The following TENM3 variants were observed in gnomAD, a reference collection of about 807,000 sequenced individuals.
TENM3 encodes teneurin transmembrane protein 3.
TENM3 carries 63 observed loss-of-function variants against 255.1 expected under a neutral mutation model. That is an observed-to-expected ratio of 0.25 (90% CI 0.20 to 0.30). The LOEUF (loss-of-function observed/expected upper bound fraction) is 0.30. Ranked by LOEUF, TENM3 falls within the 10% of genes least tolerant of loss-of-function variation. The pLI, the probability that TENM3 is intolerant of heterozygous loss-of-function variation, is 1.00. For missense variants in TENM3, 2,929 were observed against 3,461.1 expected (o/e 0.85, Z 3.86); for synonymous variants, 1,306 against 1,322.3 (o/e 0.99, Z 0.27).
At chr4:181,524,183 T>C in the TENM3 span, among the ~76,000 whole-genome samples, 5 of 152,250 alleles carry the variant, frequency 3.3e-5, no homozygotes, top group African/African-American at 1.2e-4. Flanking sequence ...TTGGGGGTGG[T>C]GTAGGAGTAT....
intron 3 of TENM3, among the ~76,000 whole-genome samples, chr4:182,354,110 AAG>A (rs1765367023): frequency 6.6e-6 from 1 of 152,210 alleles, no homozygotes; most frequent in Non-Finnish European, 1.5e-5. Flanking sequence ...TTTCTGTTCT[AAG>A]AGGATTTTCA....
chr4:182,148,648 G>T (rs1213544731), intron 1 of TENM3, among the ~76,000 whole-genome samples: 2 of 151,968 alleles, frequency 1.3e-5, no homozygotes, highest in African/African-American at 2.4e-5. Context: ...GACCTCTTGT[G>T]CATGTGTTAT....
intron 2 of TENM3, among the ~76,000 whole-genome samples, chr4:182,339,851 A>T (rs116222340): frequency 6.6e-6 from 1 of 152,188 alleles, no homozygotes; most frequent in Admixed American, 6.5e-5. Context: ...GGATTGTTCT[A>T]AAGAAGTCAT....
At chr4:182,567,744 ATT>A (rs150439706) in intron 3 of TENM3, among the ~76,000 whole-genome samples, 2 of 140,868 alleles carry the variant, frequency 1.4e-5, no homozygotes, top group Admixed American at 7.4e-5. Flanking sequence ...ACCCTACTCT[ATT>A]TTTTTTTTAT....
intron 3 of TENM3, chr4:182,349,836 A>G (rs574841944): frequency 1.9e-4 from 70 of 375,080 alleles, no homozygotes; most frequent in African/African-American, 1.2e-3. Context: ...TCATTTTTAT[A>G]CTAGCTTGAG....
At chr4:181,756,268 C>T in the TENM3 span, among the ~76,000 whole-genome samples, 4 of 152,064 alleles carry the variant, frequency 2.6e-5, no homozygotes, top group Non-Finnish European at 4.4e-5. Context: ...CCTTCTTGCC[C>T]GGTAGCATAA....
At chr4:181,996,651 C>T in the TENM3 span, among the ~76,000 whole-genome samples, 41 of 151,904 alleles carry the variant, frequency 2.7e-4, no homozygotes, top group African/African-American at 9.0e-4. Flanking sequence ...GCAGGGACAC[C>T]GTTTAGAAGG....
At chr4:182,438,247 A>T (rs1041606176) in intron 3 of TENM3, among the ~76,000 whole-genome samples, 1 of 152,152 alleles carries the variant, frequency 6.6e-6, no homozygotes, top group African/African-American at 2.4e-5. Flanking sequence ...AAACTATTTA[A>T]GCTATTTTGT....
chr4:182,294,101 A>G (rs538301278), intron 1 of TENM3, among the ~76,000 whole-genome samples: 454 of 152,174 alleles, frequency 3.0e-3, no homozygotes, highest in African/African-American at 0.01. Context: ...GATCCCTACC[A>G]TCTGCGTCTC....
rs542212636 is a variant in TENM3, at chr4:182,616,522, TAAAA to T, written c.750-12115_750-12112del. Among the ~76,000 whole-genome samples the T allele has an allele frequency of 3.7e-3, 352 of 94,286 alleles. 1 individual carries two copies. Among genetic ancestry groups the T allele is most frequent in the African/African-American group, 0.014 (340 of 25,016 alleles). 61.9% of individuals were successfully genotyped at this position (94,286 alleles called of 152,430 possible). On this transcript the variant is annotated intron_variant, in intron 4 of 27. Transcript: ENST00000511685. Reference sequence around the variant, plus strand: ...ATGTACCCTAAAACTTAAAGTATAATAAAAAAAAAAAAAAAAAGGTCAGGAGATC... The same window carrying T: ...ATGTACCCTAAAACTTAAAGTATAATAAAAAAAAAAAAAGGTCAGGAGATC...
intron 3 of TENM3, among the ~76,000 whole-genome samples, chr4:182,570,689 CCAGGCGTCATGG>C (rs1392408946): frequency 1.3e-5 from 2 of 152,112 alleles, no homozygotes; most frequent in African/African-American, 4.8e-5. Context: ...AAAAAATTAG[CCAGGCGTCATGG>C]CAGGCGCCTG....
At chr4:182,301,218 A>T (rs1286896502) in intron 1 of TENM3, among the ~76,000 whole-genome samples, 1 of 152,216 alleles carries the variant, frequency 6.6e-6, no homozygotes, top group Non-Finnish European at 1.5e-5. Flanking sequence ...AACATATGCC[A>T]ACCAAAGCTT....
chr4:182,383,599 T>C (rs1396685947), intron 3 of TENM3, among the ~76,000 whole-genome samples: 2 of 152,120 alleles, frequency 1.3e-5, no homozygotes, highest in African/African-American at 2.4e-5. Flanking sequence ...ACCCAATAGA[T>C]AGTTTTTCCA....
In TENM3 at chr4:182,463,601, G is replaced by T. The variant is rs556188766; in HGVS notation, c.511+116672G>T. ...TTCGAATCAAGTAGCTGGGATTACA[G>T]GCGCCTGCCACTGCGCCTGGCTAAT... On this transcript the variant is annotated intron_variant, in intron 3 of 27. Transcript: ENST00000511685. Among the ~76,000 whole-genome samples, 57 of 151,678 alleles carry T rather than the reference G, an allele frequency of 3.8e-4. 1 individual carries two copies. Among genetic ancestry groups the T allele is most frequent in the African/African-American group, 1.3e-3 (54 of 41,348 alleles).
chr4:182,614,669 G>A (rs1418366336), intron 4 of TENM3, among the ~76,000 whole-genome samples: 1 of 152,024 alleles, frequency 6.6e-6, no homozygotes, highest in Non-Finnish European at 1.5e-5. Flanking sequence ...AGTCCTCCTA[G>A]TACTTTTTCC....
chr4:182,615,040 A>T (rs1227566921), intron 4 of TENM3, among the ~76,000 whole-genome samples: 2 of 67,504 alleles, frequency 3.0e-5, no homozygotes, highest in South Asian at 8.0e-4. Flanking sequence ...AAAAAAAAAA[A>T]AAATACATAT....
the TENM3 span, among the ~76,000 whole-genome samples, chr4:181,989,239 C>T: frequency 6.6e-6 from 1 of 151,952 alleles, no homozygotes; most frequent in African/African-American, 2.4e-5. Context: ...CAGAAACTCA[C>T]AAGGACAGAC....
chr4:182,451,267 TG>T (rs1231024443), intron 3 of TENM3, among the ~76,000 whole-genome samples: 3 of 152,184 alleles, frequency 2.0e-5, no homozygotes, highest in Non-Finnish European at 4.4e-5. Context: ...TGGCCTAGTG[TG>T]GGGCATAATA....
intron 1 of TENM3, among the ~76,000 whole-genome samples, chr4:182,264,417 G>A (rs570641928): frequency 6.6e-6 from 1 of 152,246 alleles, no homozygotes; most frequent in African/African-American, 2.4e-5. Context: ...ACTTTCTCTT[G>A]GTCTCTGCCT....
Sources: gnomAD v4.1 joint callset for allele counts (sites outside exome capture counted in the v4.1 genomes callset) on GRCh38, gnomAD v4.1.1 for gene constraint, MANE v1.5 for transcripts, NCBI Gene and HGNC (gene_info 2026-07-23, HGNC 2026-07-21) for gene names.